The following FAP variants were observed in gnomAD, a reference collection of about 807,000 sequenced individuals.
FAP encodes the protein fibroblast activation protein alpha, also known as prolyl endopeptidase FAP.
FAP carries 110 observed loss-of-function variants against 126.5 expected under a neutral mutation model. The observed-to-expected ratio is 0.87, with a 90% CI of 0.74 to 1.02. The LOEUF (loss-of-function observed/expected upper bound fraction) is 1.02. Ranked by LOEUF, FAP falls within the 50% of genes least tolerant of loss-of-function variation. The pLI is 0.00. For synonymous variants in FAP, 334 were observed against 297.3 expected (o/e 1.12, Z -1.27); for missense variants, 919 against 909.2 (o/e 1.01, Z -0.14).
chr2:162,222,428 C>T (rs1195254325), intron 6 of FAP, among the ~76,000 whole-genome samples: 1 of 152,130 alleles, frequency 6.6e-6, no homozygotes, highest in Non-Finnish European at 1.5e-5. Context: ...AAAGCAGTTC[C>T]TGTTTCTTAA....
intron 2 of FAP, among the ~76,000 whole-genome samples, chr2:162,236,877 C>T (rs1480120718): frequency 1.3e-5 from 2 of 152,146 alleles, no homozygotes; most frequent in African/African-American, 4.8e-5. Context: ...GCTGCAATTA[C>T]CACCACGCCT....
intron 2 of FAP, among the ~76,000 whole-genome samples, chr2:162,240,036 C>A (rs1329858095): frequency 9.9e-5 from 15 of 152,162 alleles, no homozygotes; most frequent in Non-Finnish European, 2.2e-4. Context: ...TTAGTTTCCA[C>A]TCTCAGCCTT....
intron 7 of FAP, 151 bp from the exon 8 acceptor site, chr2:162,219,334 C>A: frequency 1.6e-6 from 1 of 615,358 alleles, no homozygotes; most frequent in Non-Finnish European, 2.6e-6. Context: ...GTCAAAAAAT[C>A]CAACCAACTC....
At chr2:162,223,572 A>C in intron 6 of FAP, 36 bp downstream of exon 6, 1 of 1,248,890 alleles carries the variant, frequency 8.0e-7, no homozygotes, top group Non-Finnish European at 1.2e-6. Context: ...TCTAGGTATT[A>C]GATTTAAGTA....
chr2:162,181,192 G>A (rs1012212888), intron 21 of FAP, among the ~76,000 whole-genome samples: 5 of 151,846 alleles, frequency 3.3e-5, no homozygotes, highest in Non-Finnish European at 5.9e-5. Flanking sequence ...CGGGAGAATC[G>A]CTTGAACCTG....
At chr2:162,218,204 C>A in intron 8 of FAP, 64 bp from the exon 9 acceptor site, 1 of 1,032,668 alleles carries the variant, frequency 9.7e-7, no homozygotes, top group South Asian at 1.8e-5. Context: ...ATTGTAAATA[C>A]TTCTAAATAG....
intron 14 of FAP, among the ~76,000 whole-genome samples, chr2:162,200,906 T>C (rs561324026): frequency 3.9e-5 from 6 of 152,320 alleles, no homozygotes; most frequent in African/African-American, 1.2e-4. Context: ...ATTAATATCA[T>C]ACCTTGACTT....
At chr2:162,199,619 G>A (rs1688413268) in intron 15 of FAP, among the ~76,000 whole-genome samples, 1 of 152,164 alleles carries the variant, frequency 6.6e-6, no homozygotes, top group Non-Finnish European at 1.5e-5. Context: ...GTCATGCCAG[G>A]GTCTGGACAG....
intron 4 of FAP, 68 bp downstream of exon 4, chr2:162,225,415 A>G: frequency 6.5e-7 from 1 of 1,549,638 alleles, no homozygotes; most frequent in East Asian, 2.3e-5. Context: ...AAGACTTTGA[A>G]CTCTGTTTCT....
chr2:162,233,384 A>G (rs1689978453), intron 2 of FAP, among the ~76,000 whole-genome samples: 1 of 151,872 alleles, frequency 6.6e-6, no homozygotes, highest in Non-Finnish European at 1.5e-5. Context: ...GCCATTTCAC[A>G]ATCTTTAGGC....
chr2:162,218,276 TA>T, intron 8 of FAP, 136 bp from the exon 9 acceptor site: 2 of 558,712 alleles, frequency 3.6e-6, no homozygotes, highest in Non-Finnish European at 5.9e-6. Context: ...CTTTGGTTAT[TA>T]AAAAATTACA....
chr2:162,220,167 T>C (rs555133504), intron 6 of FAP, among the ~76,000 whole-genome samples: 26 of 152,318 alleles, frequency 1.7e-4, no homozygotes, highest in South Asian at 4.1e-4. Context: ...CTGACCTTTA[T>C]AGTGAGGTGA....
intron 17 of FAP, chr2:162,193,864 CT>C (rs1688140686): frequency 6.6e-6 from 1 of 152,116 alleles, no homozygotes; most frequent in Admixed American, 6.6e-5. Flanking sequence ...GTCACCAAAG[CT>C]GTCCAGGGAC....
chr2:162,219,331 A>T (rs1689288911), intron 7 of FAP, 148 bp from the exon 8 acceptor site: 2 of 644,634 alleles, frequency 3.1e-6, no homozygotes, highest in East Asian at 6.1e-5. Context: ...TAGGTCAAAA[A>T]ATCCAACCAA....
chr2:162,194,424 T>G (rs1269310367), intron 17 of FAP, among the ~76,000 whole-genome samples: 2 of 152,158 alleles, frequency 1.3e-5, no homozygotes, highest in African/African-American at 4.8e-5. Context: ...TCTGTGCTTT[T>G]TATAAGGCTG....
chr2:162,235,764 C>CT (rs1690105405), intron 2 of FAP, among the ~76,000 whole-genome samples: 1 of 152,180 alleles, frequency 6.6e-6, no homozygotes, highest in South Asian at 2.1e-4. Context: ...AAGTCTTGTT[C>CT]TTTCGCTCTT....
At position 162,170,765 on chromosome 2, in the gene FAP, T is replaced by C; in HGVS notation, c.*214A>G. On this transcript the variant is annotated 3_prime_UTR_variant, in exon 26 of 26. Transcript: ENST00000188790. ...CTGTGTCCAAAGCAAAATGCATGAC[T>C]CCCTTTTCTCTTCTTTCACAGAGTA... 1 of 493,278 alleles carries C rather than the reference T, an allele frequency of 2.0e-6. No individual in the cohort carries two copies. The allele number at this position is 493,278 out of a possible 1,614,324, so 30.6% of individuals were successfully genotyped here.
chr2:162,186,041 G>A (rs1445106799), intron 20 of FAP, among the ~76,000 whole-genome samples: 1 of 152,094 alleles, frequency 6.6e-6, no homozygotes, highest in Admixed American at 6.6e-5. Flanking sequence ...CCACGCAGCT[G>A]CCCATATTCT....
At position 162,236,617 on chromosome 2, in the gene FAP, T is replaced by TGG. The variant is rs567805407; in HGVS notation, c.91+6289_91+6290dup. Among the ~76,000 whole-genome samples, 467 of 152,040 alleles carry TGG rather than the reference T, an allele frequency of 3.1e-3. 3 individuals are homozygous for TGG. Among genetic ancestry groups the TGG allele is most frequent in the African/African-American group, 0.01 (434 of 41,422 alleles). Reference sequence around the variant, plus strand: ...TTATCTGATTTTGTTTTGTTTTTGGTGGGGGGGCAGGGAGACAGAGTCTTG... The same window carrying TGG: ...TTATCTGATTTTGTTTTGTTTTTGGTGGGGGGGGGCAGGGAGACAGAGTCTTG... On this transcript the variant is annotated intron_variant, in intron 2 of 25. Coordinates refer to ENST00000188790, the MANE Select transcript of FAP (RefSeq NM_004460.5).
Sources: gnomAD v4.1 joint callset for allele counts (sites outside exome capture counted in the v4.1 genomes callset) on GRCh38, gnomAD v4.1.1 for gene constraint, MANE v1.5 for transcripts, NCBI Gene and HGNC (gene_info 2026-07-23, HGNC 2026-07-21) for gene names.